The following TNRC6B variants were observed in gnomAD, a reference collection of about 807,000 sequenced individuals.
TNRC6B encodes trinucleotide repeat containing adaptor 6B.
In TNRC6B, 52 loss-of-function variants were observed where a neutral mutation model predicts 203.6. The ratio of observed to expected loss-of-function variants is 0.26; its 90% CI spans 0.20 to 0.32. The LOEUF is 0.32. Among genes scored for constraint, TNRC6B ranks in the 10% least tolerant of loss-of-function variants. TNRC6B has a pLI of 1.00. For synonymous variants in TNRC6B, 838 were observed against 845.7 expected (o/e 0.99, Z 0.16); for missense variants, 1,923 against 2,286.2 (o/e 0.84, Z 3.24).
chr22:40,176,659 G>A (rs1041946479), upstream of TNRC6B, among the ~76,000 whole-genome samples: 8 of 152,168 alleles, frequency 5.3e-5, no homozygotes, highest in African/African-American at 1.9e-4. Context: ...GAGCAGTGAA[G>A]ACGTGGTGTT....
At chr22:40,149,969 T>C (rs950397976) in intron 3 of TNRC6B, among the ~76,000 whole-genome samples, 1 of 129,434 alleles carries the variant, frequency 7.7e-6, no homozygotes, top group South Asian at 2.7e-4. Context: ...TGGTATAAAA[T>C]AATTTTTTTT....
intron 11 of TNRC6B, among the ~76,000 whole-genome samples, chr22:40,284,031 G>A (rs2070752692): frequency 6.6e-6 from 1 of 152,210 alleles, no homozygotes; most frequent in African/African-American, 2.4e-5. Flanking sequence ...AATGTTTCCT[G>A]TTTTCTTGGA....
chr22:40,157,595 A>C (rs889983898), intron 4 of TNRC6B, among the ~76,000 whole-genome samples: 1 of 152,214 alleles, frequency 6.6e-6, no homozygotes. Flanking sequence ...GCTGTATTCT[A>C]TCAAATGCAC....
rs1000983209 is a variant in TNRC6B, at chr22:40,323,630, GA to G, written c.*397del. On this transcript the variant is annotated 3_prime_UTR_variant, in exon 23 of 23. Coordinates refer to ENST00000454349, the MANE Select transcript of TNRC6B (RefSeq NM_001162501.2). ...GTTGTTGCTAAGAAACATATATACT[GA>G]AAAAAAATAGCTTTTTAACTTTGTT... The G allele has an allele frequency of 1.3e-5, 2 of 148,340 alleles. No homozygotes were observed. The highest frequency in any genetic ancestry group is 2.0e-4 in the East Asian group (1 of 4,900). The allele number at this position is 148,340 out of a possible 1,614,324, so 9.2% of individuals were successfully genotyped here.
intron 4 of TNRC6B, among the ~76,000 whole-genome samples, chr22:40,159,514 C>T (rs914530643): frequency 4.6e-5 from 7 of 151,540 alleles, no homozygotes. Flanking sequence ...TGGCGGGCGC[C>T]TGTAGTCCCA....
intron 1 of TNRC6B, among the ~76,000 whole-genome samples, chr22:40,229,854 A>G (rs928355032): frequency 3.3e-5 from 5 of 152,156 alleles, no homozygotes; most frequent in East Asian, 1.9e-4. Context: ...TTGTTTATCC[A>G]TTCACCTATT....
At chr22:40,177,879 C>A, upstream of TNRC6B, 1 of 1,318,470 alleles carries the variant, frequency 7.6e-7, no homozygotes, top group South Asian at 2.3e-5. Context: ...TACCCGAAGT[C>A]ACATGATCTG....
At chr22:40,308,871 G>A (rs969661808) in intron 16 of TNRC6B, among the ~76,000 whole-genome samples, 1 of 152,258 alleles carries the variant, frequency 6.6e-6, no homozygotes, top group African/African-American at 2.4e-5. Flanking sequence ...CATGATTGAG[G>A]GTGGTAGCAG....
At chr22:40,287,924 G>A (rs938730291) in intron 12 of TNRC6B, among the ~76,000 whole-genome samples, 5 of 152,156 alleles carry the variant, frequency 3.3e-5, no homozygotes, top group Admixed American at 2.6e-4. Context: ...TAGCAGTGAC[G>A]TCTGAGTCTT....
At chr22:40,281,617 A>G (rs1363587544) in intron 11 of TNRC6B, among the ~76,000 whole-genome samples, 1 of 152,188 alleles carries the variant, frequency 6.6e-6, no homozygotes, top group Non-Finnish European at 1.5e-5. Context: ...TGCATTTGCC[A>G]TTTTAAACAT....
intron 3 of TNRC6B, 70 bp downstream of exon 3, chr22:40,251,270 C>A: frequency 8.0e-7 from 1 of 1,256,628 alleles, no homozygotes; most frequent in East Asian, 2.7e-5. Context: ...GTTGCTGACT[C>A]AGCCTCCAAT....
At chr22:40,315,209 TA>T in intron 19 of TNRC6B, 73 bp from the exon 20 acceptor site, 1 of 1,208,752 alleles carries the variant, frequency 8.3e-7, no homozygotes, top group Non-Finnish European at 1.2e-6. Context: ...TGTATGTAGA[TA>T]AAACTCATGT....
chr22:40,047,782 G>T (rs561501522), intron 1 of TNRC6B, among the ~76,000 whole-genome samples: 1 of 152,072 alleles, frequency 6.6e-6, no homozygotes, highest in African/African-American at 2.4e-5. Flanking sequence ...CTCCAGTCCC[G>T]GGCTATTGTG....
At chr22:40,314,199 G>A (rs1210759526) in intron 19 of TNRC6B, among the ~76,000 whole-genome samples, 1 of 152,096 alleles carries the variant, frequency 6.6e-6, no homozygotes, top group Admixed American at 6.5e-5. Context: ...CCCCAAAAGT[G>A]TCTTTCCTTC....
intron 1 of TNRC6B, among the ~76,000 whole-genome samples, chr22:40,243,938 A>G (rs2070067713): frequency 6.6e-6 from 1 of 152,158 alleles, no homozygotes; most frequent in Non-Finnish European, 1.5e-5. Context: ...TTAGATTTAG[A>G]AAAAAATGAC....
intron 1 of TNRC6B, among the ~76,000 whole-genome samples, chr22:40,181,188 C>T (rs559777756): frequency 4.1e-4 from 63 of 152,192 alleles, no homozygotes; most frequent in Non-Finnish European, 6.2e-4. Context: ...AATAAACTTC[C>T]GAACATTGAA....
Position 40,315,415 on chromosome 22 carries a change from G to C in TNRC6B, c.4811G>C (p.Gly1604Ala). 6.2e-7 allele frequency: 1 copy of C among 1,613,882 alleles called. No individual in the cohort carries two copies. Among genetic ancestry groups the C allele is most frequent in the Non-Finnish European group, 8.5e-7 (1 of 1,179,870 alleles). ...NTTPLPRPPP[G>A]LTNPKPSSPW... ...ACACCGCTGCCCCGCCCACCTCCTG[G>C]TCTGACCAACCCCAAACCATCATCT... The change falls in exon 20 of 23, where the codon GGT (glycine) becomes GCT (alanine). Residue 1604 changes from glycine to alanine, a missense_variant. Transcript: ENST00000454349.
At chr22:40,316,044 G>A (rs367901374) in intron 21 of TNRC6B, 32 bp downstream of exon 21, 44 of 1,591,618 alleles carry the variant, frequency 2.8e-5, no homozygotes, top group Non-Finnish European at 3.7e-5. Context: ...TTTCTAGATA[G>A]GACTTGATTG....
At position 40,330,238 on chromosome 22, in the gene TNRC6B, T is replaced by C. The variant is rs2071450518; in HGVS notation, c.*6997T>C. On this transcript the variant is annotated 3_prime_UTR_variant, in exon 23 of 23. Coordinates refer to ENST00000454349, the MANE Select transcript of TNRC6B (RefSeq NM_001162501.2). ...TTCCTCTTTACTGCTCACAGTAAGC[T>C]GCAAAAGAAAGTTGTCAAGGTGGCT... The C allele has an allele frequency of 6.6e-6, 1 of 152,262 alleles. No individual in the cohort carries two copies. Among genetic ancestry groups the C allele is most frequent in the African/African-American group, 2.4e-5 (1 of 41,466 alleles). 9.4% of individuals were successfully genotyped at this position (152,262 alleles called of 1,614,324 possible). A position where few individuals can be genotyped will look rare whatever the true frequency, so the allele number is the denominator to read the frequency against.
Sources: allele counts gnomAD v4.1 joint callset (sites outside exome capture counted in the v4.1 genomes callset), GRCh38; gene constraint gnomAD v4.1.1; transcripts MANE v1.5; gene names NCBI Gene and HGNC (gene_info 2026-07-23, HGNC 2026-07-21).